Variants in PLAGL1 observed in about 807,000 individuals in gnomAD.
The protein encoded by PLAGL1 is PLAG1 like zinc finger 1, also known as zinc finger protein PLAGL1.
PLAGL1 carries 1 observed loss-of-function variant against 4.6 expected under a neutral mutation model. That is an observed-to-expected ratio of 0.22 (90% confidence interval 0.08 to 1.03). The LOEUF (loss-of-function observed/expected upper bound fraction) is 1.03. Ranked by LOEUF, PLAGL1 falls within the 50% of genes least tolerant of loss-of-function variation. The pLI, the probability that PLAGL1 is intolerant of heterozygous loss-of-function variation, is 0.58. For synonymous variants in PLAGL1, 240 were observed against 237.8 expected (o/e 1.01, Z -0.08); for missense variants, 464 against 570.4 (o/e 0.81, Z 1.90).
rs1453659353 is a variant in PLAGL1, at chr6:144,015,542, C to T, written c.-150-46564G>A. Among the ~76,000 whole-genome samples the T allele has an allele frequency of 6.6e-6, 1 of 152,152 alleles. No homozygotes were observed. Among genetic ancestry groups the T allele is most frequent in the African/African-American group, 2.4e-5 (1 of 41,432 alleles). On this transcript the variant is annotated intron_variant, in intron 1 of 3. Transcript: ENST00000437412. This position sits in a 1 kb window ranked among gnomAD's most constrained non-coding sequence, Gnocchi z 4.3. ...GCATATATCTGACATAGGACTTGCA[C>T]TAAAATATTTGAAGAACCCAATAAT...
At chr6:144,047,641 G>T (rs1798261498) in intron 1 of PLAGL1, among the ~76,000 whole-genome samples, 1 of 152,122 alleles carries the variant, frequency 6.6e-6, no homozygotes, top group African/African-American at 2.4e-5. Context: ...CACAAGAACA[G>T]CATGGGGAAA....
rs532142718 is a variant in PLAGL1, at chr6:143,995,295, T to C, written c.-583-10121A>G. On this transcript the variant is annotated intron_variant, in intron 1 of 7. Coordinates refer to ENST00000674357, the MANE Select transcript of PLAGL1 (RefSeq NM_001317162.2). This position sits in a 1 kb window ranked among gnomAD's most constrained non-coding sequence, Gnocchi z 4.4. ...ACTTCAGTATTATGCAGATTATTTG[T>C]ATGCACGTATCAAGCTACCCTTTTC... Among the ~76,000 whole-genome samples the C allele has an allele frequency of 9.8e-5, 15 of 152,364 alleles. No individual in the cohort carries two copies. The South Asian group carries it at 2.9e-3, about 29-fold the overall frequency.
chr6:143,969,089 C>A (rs1784948922), intron 2 of PLAGL1, 111 bp from the exon 3 acceptor site: 1 of 151,826 alleles, frequency 6.6e-6, no homozygotes, highest in Non-Finnish European at 1.5e-5. Context: ...TTCAAGGATA[C>A]CAGGGGTCAA....
In PLAGL1 at chr6:144,013,590, C is replaced by T. The variant is rs941900759; in HGVS notation, c.-150-44612G>A. Reference sequence around the variant, plus strand: ...CTGAAATCAAGATATCAGCAAAGGCCGCAGGCGCCATCTAGTGGCTCTAGT... The same window carrying T: ...CTGAAATCAAGATATCAGCAAAGGCTGCAGGCGCCATCTAGTGGCTCTAGT... On this transcript the variant is annotated intron_variant, in intron 1 of 3. Transcript: ENST00000437412. This position sits in a 1 kb window ranked among gnomAD's most constrained non-coding sequence, Gnocchi z 4.4. 2.0e-5 allele frequency among the ~76,000 whole-genome samples: 3 copies of T among 152,210 alleles called. No homozygotes were observed. Among genetic ancestry groups the T allele is most frequent in the South Asian group, 4.1e-4 (2 of 4,836 alleles).
chr6:143,954,732 G>A lies in PLAGL1; in HGVS notation c.-325+5737C>T, dbSNP rs181854126. 3.7e-4 allele frequency among the ~76,000 whole-genome samples: 57 copies of A among 152,230 alleles called. No individual in the cohort carries two copies. Among genetic ancestry groups the A allele is most frequent in the Non-Finnish European group, 5.1e-4 (35 of 68,012 alleles). ...ATGTATTAGAAGTCATGGATAATAC[G>A]ATACAGTAAGACAATAAACTAATGA... is the stretch of plus-strand genomic sequence containing the variant. On this transcript the variant is annotated intron_variant, in intron 6 of 7. Coordinates refer to ENST00000674357, the MANE Select transcript of PLAGL1 (RefSeq NM_001317162.2). The surrounding 1 kb of genome is among the most constrained non-coding windows in gnomAD (Gnocchi z 5.1).
chr6:143,987,111 T>C (rs1256178677), intron 1 of PLAGL1, among the ~76,000 whole-genome samples: 5 of 152,202 alleles, frequency 3.3e-5, no homozygotes, highest in Non-Finnish European at 7.3e-5. Flanking sequence ...AAGAAACCTT[T>C]AAATTAAAAT....
intron 1 of PLAGL1, among the ~76,000 whole-genome samples, chr6:143,987,139 T>C (rs1789372070): frequency 6.6e-6 from 1 of 152,212 alleles, no homozygotes; most frequent in African/African-American, 2.4e-5. Flanking sequence ...TCTTACGAGA[T>C]TTCTAGAAAT....
intron 1 of PLAGL1, among the ~76,000 whole-genome samples, chr6:144,057,328 T>C (rs1160972774): frequency 6.6e-6 from 1 of 152,248 alleles, no homozygotes; most frequent in Non-Finnish European, 1.5e-5. Flanking sequence ...AGAAATGTAA[T>C]GCTTTTACTT....
Position 143,965,969 on chromosome 6 carries a change from T to C in PLAGL1, c.-431+189A>G, listed in dbSNP as rs1292357845. On this transcript the variant is annotated intron_variant, in intron 4 of 7. Transcript: ENST00000674357. This position sits in a 1 kb window ranked among gnomAD's most constrained non-coding sequence, Gnocchi z 7.5. ...TCTATTGGCCCAAACTCAATTTTCA[T>C]GTGGCTTCCTTTAAACAAACCACAA... 1 of 152,246 alleles carries C rather than the reference T, an allele frequency of 6.6e-6. No homozygotes were observed. Among genetic ancestry groups the C allele is most frequent in the Non-Finnish European group, 1.5e-5 (1 of 68,048 alleles). 9.4% of individuals were successfully genotyped at this position (152,246 alleles called of 1,614,324 possible).
Position 144,050,304 on chromosome 6 carries a change from A to G in PLAGL1, c.-151+14164T>C, listed in dbSNP as rs574193331. On this transcript the variant is annotated intron_variant, in intron 1 of 3. Coordinates refer to the PLAGL1 transcript ENST00000437412. The surrounding 1 kb of genome is among the most constrained non-coding windows in gnomAD (Gnocchi z 4.3). The stretch of plus-strand genomic sequence containing the variant: ...TATTGTTCTTTTATTTCCCCTTGAA[A>G]TCGACTGCTGAACTCAACTAAGTGA... Among the ~76,000 whole-genome samples, 1 of 152,240 alleles carries G rather than the reference A, an allele frequency of 6.6e-6. No homozygotes were observed. Among genetic ancestry groups the G allele is most frequent in the East Asian group, 1.9e-4 (1 of 5,188 alleles).
Position 143,962,643 on chromosome 6 carries a change from C to T in PLAGL1, c.-398-2101G>A, listed in dbSNP as rs999814009. Among the ~76,000 whole-genome samples the T allele has an allele frequency of 2.0e-5, 3 of 152,174 alleles. No individual in the cohort carries two copies. The highest frequency in any genetic ancestry group is 2.1e-4 in the South Asian group (1 of 4,832). ...CTTCTGAGAACAGCATTTAAGAACC[C>T]GTCTTTTTCTCTCTTAATGAACTGG... On this transcript the variant is annotated intron_variant, in intron 5 of 7. Coordinates refer to ENST00000674357, the MANE Select transcript of PLAGL1 (RefSeq NM_001317162.2). This position sits in a 1 kb window ranked among gnomAD's most constrained non-coding sequence, Gnocchi z 5.3.
In PLAGL1 at chr6:143,954,002, G is replaced by A. The variant is rs1171233367; in HGVS notation, c.-324-5542C>T. Among the ~76,000 whole-genome samples the A allele has an allele frequency of 6.6e-6, 1 of 152,144 alleles. No individual in the cohort carries two copies. The highest frequency in any genetic ancestry group is 1.5e-5 in the Non-Finnish European group (1 of 68,026). On this transcript the variant is annotated intron_variant, in intron 6 of 7. Coordinates refer to ENST00000674357, the MANE Select transcript of PLAGL1 (RefSeq NM_001317162.2). This position sits in a 1 kb window ranked among gnomAD's most constrained non-coding sequence, Gnocchi z 5.1. ...GCTATGGAGACTGTATGAAAGTGGG[G>A]GAGTAGCCTGACACAGGGTGAATGT... is the stretch of plus-strand genomic sequence containing the variant.
At chr6:144,032,489 T>G (rs1325687447) in intron 1 of PLAGL1, among the ~76,000 whole-genome samples, 1 of 152,090 alleles carries the variant, frequency 6.6e-6, no homozygotes, top group Non-Finnish European at 1.5e-5. Context: ...GCAGAAATTT[T>G]AAGTTCTAAG....
intron 1 of PLAGL1, among the ~76,000 whole-genome samples, chr6:144,020,724 G>A (rs1374901325): frequency 1.3e-5 from 2 of 149,908 alleles, no homozygotes; most frequent in African/African-American, 4.9e-5. Context: ...GGGATTACAG[G>A]TATGAGCCAC....
intron 2 of PLAGL1, among the ~76,000 whole-genome samples, chr6:143,980,145 C>A (rs961511759): frequency 6.6e-6 from 1 of 152,024 alleles, no homozygotes; most frequent in Non-Finnish European, 1.5e-5. Flanking sequence ...TCTGTCTTTA[C>A]TACTGGTTTT....
chr6:144,012,000 GTCTGATCA>G (rs1795223700), upstream of PLAGL1, among the ~76,000 whole-genome samples: 1 of 152,148 alleles, frequency 6.6e-6, no homozygotes, highest in Non-Finnish European at 1.5e-5. The surrounding 1 kb of genome is among the most constrained non-coding windows in gnomAD (Gnocchi z 4.3). Context: ...TTAGGATTTG[GTCTGATCA>G]TCTTTTTCCT....
chr6:144,059,496 G>A lies in PLAGL1; in HGVS notation c.-151+4972C>T, dbSNP rs1799229419. Among the ~76,000 whole-genome samples the A allele has an allele frequency of 6.6e-6, 1 of 152,128 alleles. No homozygotes were observed. Among genetic ancestry groups the A allele is most frequent in the Non-Finnish European group, 1.5e-5 (1 of 68,030 alleles). On this transcript the variant is annotated intron_variant, in intron 1 of 3. Coordinates refer to the PLAGL1 transcript ENST00000437412. The surrounding 1 kb of genome is among the most constrained non-coding windows in gnomAD (Gnocchi z 4.9). Reference sequence around the variant, plus strand: ...ACCTCCTCTCAATTCCCTTTCCTGGGGACCCTGTGACCTCCTGCTCTGTAA... The same window carrying A: ...ACCTCCTCTCAATTCCCTTTCCTGGAGACCCTGTGACCTCCTGCTCTGTAA...
At position 143,965,213 on chromosome 6, in the gene PLAGL1, G is replaced by A. The variant is rs1460764309; in HGVS notation, c.-430-395C>T. ...CCAAATGGGCACGTCTAAGGGGTCC[G>A]GGCTTTGAAATCAGTCACGTTATCC... On this transcript the variant is annotated intron_variant, in intron 4 of 7. Transcript: ENST00000674357. The surrounding 1 kb of genome is among the most constrained non-coding windows in gnomAD (Gnocchi z 7.5). 1 of 152,186 alleles carries A rather than the reference G, an allele frequency of 6.6e-6. No individual in the cohort carries two copies. The highest frequency in any genetic ancestry group is 1.5e-5 in the Non-Finnish European group (1 of 68,054). The allele number at this position is 152,186 out of a possible 1,614,324, so 9.4% of individuals were successfully genotyped here. A position where few individuals can be genotyped will look rare whatever the true frequency, so the allele number is the denominator to read the frequency against.
At position 143,962,453 on chromosome 6, in the gene PLAGL1, T is replaced by C. The variant is rs561117449; in HGVS notation, c.-398-1911A>G. Among the ~76,000 whole-genome samples the C allele has an allele frequency of 9.2e-5, 14 of 152,300 alleles. No homozygotes were observed. In the East Asian group the frequency reaches 2.7e-3, roughly 29 times the overall value. On this transcript the variant is annotated intron_variant, in intron 5 of 7. Coordinates refer to ENST00000674357, the MANE Select transcript of PLAGL1 (RefSeq NM_001317162.2). This position sits in a 1 kb window ranked among gnomAD's most constrained non-coding sequence, Gnocchi z 5.3. ...AAGAAGAATCACATTTTTGTGGGAGTGAAGACTGGCAGATGGTAAACAGAT... is the reference window on the plus strand; with the variant it reads ...AAGAAGAATCACATTTTTGTGGGAGCGAAGACTGGCAGATGGTAAACAGAT...
Sources: allele counts gnomAD v4.1 joint callset (sites outside exome capture counted in the v4.1 genomes callset), GRCh38; gene constraint gnomAD v4.1.1; non-coding constraint Gnocchi (gnomAD v3.1); transcripts MANE v1.5; gene names NCBI Gene and HGNC (gene_info 2026-07-23, HGNC 2026-07-21).